The following RANBP3 variants were observed in gnomAD, a reference collection of about 807,000 sequenced individuals.
RANBP3 encodes RAN binding protein 3, also known as ran-binding protein 3.
Under a neutral mutation model 77.3 loss-of-function variants are expected in RANBP3, and 14 were observed. That is an observed-to-expected ratio of 0.18 (90% CI 0.12 to 0.28). The LOEUF is 0.28. RANBP3 is among the 10% of genes least tolerant of loss of function. The pLI, the probability that RANBP3 is intolerant of heterozygous loss-of-function variation, is 1.00. For synonymous variants in RANBP3, 315 were observed against 312.4 expected, an observed-to-expected ratio of 1.01 and a Z score of -0.09; for missense variants, 586 against 752.3, an observed-to-expected ratio of 0.78 and a Z score of 2.59.
chr19:5,917,490 GC>G lies in RANBP3; in HGVS notation c.*119del, dbSNP rs1244741292. 62 of 1,180,360 alleles carry G rather than the reference GC, an allele frequency of 5.3e-5. No individual in the cohort carries two copies. The highest frequency in any genetic ancestry group is 6.6e-5 in the Non-Finnish European group (56 of 854,310). 73.1% of individuals were successfully genotyped at this position (1,180,360 alleles called of 1,614,324 possible). A position where few individuals can be genotyped will look rare whatever the true frequency, so the allele number is the denominator to read the frequency against. On this transcript the variant is annotated 3_prime_UTR_variant, in exon 17 of 17. Transcript: ENST00000340578. ...GACGTGCGGGTCCAGACTGTGGCCG[GC>G]CCAGTGGGGTGTGTGGTTCCCGGCC...
chr19:5,945,836 G>A (rs992641659), intron 3 of RANBP3, among the ~76,000 whole-genome samples: 1 of 151,798 alleles, frequency 6.6e-6, no homozygotes, highest in East Asian at 2.0e-4. Flanking sequence ...GGGTCTACTC[G>A]TGGCTCTAGA....
At chr19:5,966,019 C>T (rs893997667) in intron 1 of RANBP3, 2 of 152,220 alleles carry the variant, frequency 1.3e-5, no homozygotes, top group African/African-American at 2.4e-5. Context: ...AGCCCCGGCC[C>T]ATGCTCCTGA....
intron 5 of RANBP3, among the ~76,000 whole-genome samples, chr19:5,938,447 T>TG (rs1413856977): frequency 6.6e-6 from 1 of 152,186 alleles, no homozygotes; most frequent in Non-Finnish European, 1.5e-5. Context: ...CCTAGCACTT[T>TG]GGGAGGCTGA....
At chr19:5,964,852 TG>T (rs386388443) in intron 1 of RANBP3, among the ~76,000 whole-genome samples, 974 of 16,910 alleles carry the variant, frequency 0.058, 32 homozygotes, top group African/African-American at 0.14. Context: ...GGTGGTAGGG[TG>T]GGGGGGGGGG....
chr19:5,943,350 C>G (rs1364107007), intron 3 of RANBP3, among the ~76,000 whole-genome samples: 1 of 152,194 alleles, frequency 6.6e-6, no homozygotes. Context: ...CTGAGGAGCA[C>G]AGGAGCCAAG....
rs1315562781 is a variant in RANBP3 at position 5,952,072 on chromosome 19, T to C, written c.79-476A>G. Among the ~76,000 whole-genome samples the C allele has an allele frequency of 6.6e-6, 1 of 151,630 alleles. No homozygotes were observed. The highest frequency in any genetic ancestry group is 2.4e-5 in the African/African-American group (1 of 40,962). Reference sequence around the variant, plus strand: ...TAGGGAGAAACCAGGGAGGCCAGGGTCAAGGGCTTCTGCCTCTCGCCGGGG... The same window carrying C: ...TAGGGAGAAACCAGGGAGGCCAGGGCCAAGGGCTTCTGCCTCTCGCCGGGG... On this transcript the variant is annotated intron_variant, in intron 2 of 16. Transcript: ENST00000340578. This position sits in a 1 kb window ranked among gnomAD's most constrained non-coding sequence, Gnocchi z 4.1.
chr19:5,946,724 C>T (rs758070301), intron 3 of RANBP3, among the ~76,000 whole-genome samples: 3 of 151,610 alleles, frequency 2.0e-5, no homozygotes, highest in Non-Finnish European at 2.9e-5. Flanking sequence ...TCTCAGGAGA[C>T]GTTGGAACTT....
At chr19:5,977,310 C>T (rs2058604201) in intron 1 of RANBP3, among the ~76,000 whole-genome samples, 1 of 151,942 alleles carries the variant, frequency 6.6e-6, no homozygotes, top group Non-Finnish European at 1.5e-5. Context: ...CTCGGGGGAT[C>T]TGGAAGTGTA....
chr19:5,963,698 A>G (rs987786444), intron 1 of RANBP3, among the ~76,000 whole-genome samples: 2 of 152,198 alleles, frequency 1.3e-5, no homozygotes, highest in African/African-American at 4.8e-5. Context: ...TGGTGTGTGA[A>G]GCGGGGGAGA....
At chr19:5,926,017 C>T (rs1169477662) in intron 9 of RANBP3, among the ~76,000 whole-genome samples, 2 of 152,158 alleles carry the variant, frequency 1.3e-5, no homozygotes, top group African/African-American at 2.4e-5. Flanking sequence ...AAAACCACGC[C>T]TAAGCTGGCC....
chr19:5,977,865 G>C (rs1484012850), intron 1 of RANBP3, among the ~76,000 whole-genome samples, 196 bp downstream of exon 1: 1 of 152,196 alleles, frequency 6.6e-6, no homozygotes, highest in Non-Finnish European at 1.5e-5. Context: ...TGGGGTTGCC[G>C]GGAGTGATGG....
rs751400377 is a variant in RANBP3, at chr19:5,923,325, AGACT to A, written c.1100-26_1100-23del. Reference sequence around the variant, plus strand: ...GACTCTGAAAAGTTATTGGCCAAAAAGACTGACTGATTATTTGGCGAGAGGAGAG... The same window carrying A: ...GACTCTGAAAAGTTATTGGCCAAAAAGACTGATTATTTGGCGAGAGGAGAG... On this transcript the variant is annotated intron_variant, in intron 12 of 16. Transcript: ENST00000340578. The A allele has an allele frequency of 1.7e-5, 28 of 1,604,904 alleles. No individual in the cohort carries two copies. The East Asian group carries it at 2.2e-4, about 13-fold the overall frequency.
At position 5,950,140 on chromosome 19, in the gene RANBP3, C is replaced by A. The variant is rs561828861; in HGVS notation, c.282+1253G>T. ...TCAGGAGAAGTTTCCGGCAGCCACTCTGCCAACAAAAGAAGGACGCAGCCA... is the reference window on the plus strand; with the variant it reads ...TCAGGAGAAGTTTCCGGCAGCCACTATGCCAACAAAAGAAGGACGCAGCCA... On this transcript the variant is annotated intron_variant, in intron 3 of 16. Transcript: ENST00000340578. Among the ~76,000 whole-genome samples the A allele has an allele frequency of 3.9e-5, 6 of 152,198 alleles. No individual in the cohort carries two copies. The East Asian group carries it at 9.7e-4, about 24-fold the overall frequency.
Position 5,951,498 on chromosome 19 carries a change from G to A in RANBP3, c.177C>T (p.Gly59=), listed in dbSNP as rs370147492. 8.1e-6 allele frequency: 13 copies of A among 1,610,870 alleles called. No homozygotes were observed. The highest frequency in any genetic ancestry group is 2.2e-5 in the East Asian group (1 of 44,850). ...GGGCAGGAGGTTCTAGGGCATGCTC[G>A]CCAGCTGACTCGGGGTGACCCGTGC... The part of the protein sequence containing the change: ...HHGTGHPESA[G]EHALEPPAPA... Residue 59 remains glycine (G), a synonymous_variant, in exon 3 of 17, where the codon GGC becomes GGT. Transcript: ENST00000340578.
At chr19:5,940,087 A>G (rs1436037681) in intron 5 of RANBP3, among the ~76,000 whole-genome samples, 2 of 152,244 alleles carry the variant, frequency 1.3e-5, no homozygotes, top group Non-Finnish European at 2.9e-5. Context: ...GAATGGAACC[A>G]AAGACAACAC....
chr19:5,933,244 C>G, intron 6 of RANBP3, 170 bp downstream of exon 6: 1 of 553,200 alleles, frequency 1.8e-6, no homozygotes, highest in Non-Finnish European at 3.1e-6. Context: ...GGGTCCCAAC[C>G]TCCCTGCTCA....
intron 5 of RANBP3, among the ~76,000 whole-genome samples, chr19:5,934,704 C>T (rs1015923001): frequency 6.6e-6 from 1 of 152,112 alleles, no homozygotes; most frequent in Non-Finnish European, 1.5e-5. Flanking sequence ...CATGGTGGTA[C>T]ATGCCTGTAG....
rs904838701 is a variant in RANBP3, at chr19:5,958,836, T to C, written c.23-863A>G. Among the ~76,000 whole-genome samples the C allele has an allele frequency of 1.3e-5, 2 of 152,252 alleles. No individual in the cohort carries two copies. The highest frequency in any genetic ancestry group is 2.9e-5 in the Non-Finnish European group (2 of 68,042). ...GGGCCTCTTTCACCATTCAGGGCAC[T>C]GAGGGCCTAGCGTGGAGGCCAAGCA... is the stretch of plus-strand genomic sequence containing the variant. On this transcript the variant is annotated intron_variant, in intron 1 of 16. Transcript: ENST00000340578. The surrounding 1 kb of genome is among the most constrained non-coding windows in gnomAD (Gnocchi z 4.4).
chr19:5,977,803 G>A (rs1336186986), intron 1 of RANBP3, among the ~76,000 whole-genome samples: 2 of 152,222 alleles, frequency 1.3e-5, no homozygotes, highest in Non-Finnish European at 2.9e-5. Context: ...GGGGCCTTAG[G>A]GCTGCGATCC....
Sources: allele counts gnomAD v4.1 joint callset (sites outside exome capture counted in the v4.1 genomes callset), GRCh38; gene constraint gnomAD v4.1.1; non-coding constraint Gnocchi (gnomAD v3.1); transcripts MANE v1.5; gene names NCBI Gene and HGNC (gene_info 2026-07-23, HGNC 2026-07-21).